Variants in CDC42BPB observed in about 807,000 individuals in gnomAD.
CDC42BPB encodes the protein CDC42 binding protein kinase beta, also known as serine/threonine-protein kinase MRCK beta.
Under a neutral mutation model 214.9 loss-of-function variants are expected in CDC42BPB, and 37 were observed. The ratio of observed to expected loss-of-function variants is 0.17; its 90% CI spans 0.13 to 0.23. The LOEUF (loss-of-function observed/expected upper bound fraction) is 0.23, where lower values mean the gene tolerates loss of function less well. CDC42BPB is among the 10% of genes least tolerant of loss of function. The pLI is 1.00. For synonymous variants in CDC42BPB, 931 were observed against 884.0 expected (o/e 1.05, Z -0.94); for missense variants, 1,694 against 2,227.0 (o/e 0.76, Z 4.82).
rs185515426 is a variant in CDC42BPB, at chr14:103,010,813, C to T, written c.267+1284G>A. Among the ~76,000 whole-genome samples, 927 of 152,204 alleles carry T rather than the reference C, an allele frequency of 6.1e-3. 13 individuals are homozygous for T. The highest frequency in any genetic ancestry group is 0.021 in the African/African-American group (879 of 41,538). The stretch of plus-strand genomic sequence containing the variant: ...TTGGGAGGCTGAGATGGGCGGATCA[C>T]GAGGTCAGGAGATCAAGACCATCCT... On this transcript the variant is annotated intron_variant, in intron 2 of 36. Transcript: ENST00000361246.
At position 102,949,628 on chromosome 14, in the gene CDC42BPB, C is replaced by A. The variant is rs902098323; in HGVS notation, c.3449+137G>T. 1.4e-4 allele frequency: 154 copies of A among 1,127,260 alleles called. 1 individual carries two copies. In the East Asian group the frequency reaches 3.7e-3, roughly 27 times the overall value. 69.8% of individuals were successfully genotyped at this position (1,127,260 alleles called of 1,614,324 possible). A position where few individuals can be genotyped will look rare whatever the true frequency, so the allele number is the denominator to read the frequency against. ...CCTGAAGTCATGACTAAGCTGTACC[C>A]ATTTTTGCAACCATACAATAATGAA... is the stretch of plus-strand genomic sequence containing the variant. On this transcript the variant is annotated intron_variant, in intron 26 of 36. Coordinates refer to ENST00000361246, the MANE Select transcript of CDC42BPB (RefSeq NM_006035.4).
At chr14:103,045,035 AAAATAAATAAAT>A (rs36127793) in intron 1 of CDC42BPB, among the ~76,000 whole-genome samples, 169 of 146,186 alleles carry the variant, frequency 1.2e-3, no homozygotes, top group African/African-American at 3.5e-3. Context: ...CTCTGTCTCT[AAAATAAATAAAT>A]AAATAAATAA....
At chr14:103,029,714 C>T (rs1328625684) in intron 1 of CDC42BPB, among the ~76,000 whole-genome samples, 2 of 151,418 alleles carry the variant, frequency 1.3e-5, no homozygotes, top group Admixed American at 1.3e-4. Context: ...AAAAAATTAG[C>T]TGTGTGTGGT....
At chr14:102,972,382 T>G in intron 12 of CDC42BPB, 1 of 957,708 alleles carries the variant, frequency 1.0e-6, no homozygotes, top group Non-Finnish European at 1.2e-6. Flanking sequence ...TGAGACCAAC[T>G]GCACACCAAG....
chr14:102,972,336 A>G (rs912141786), intron 12 of CDC42BPB, 175 bp from the exon 13 acceptor site: 1 of 985,310 alleles, frequency 1.0e-6, no homozygotes, highest in African/African-American at 1.7e-5. Context: ...CGTGCCAGCC[A>G]CACAGGCAAT....
intron 4 of CDC42BPB, 33 bp from the exon 5 acceptor site, chr14:102,999,746 C>A: frequency 6.2e-7 from 1 of 1,613,040 alleles, no homozygotes; most frequent in Non-Finnish European, 8.5e-7. Context: ...GAGAGAATAC[C>A]ACATTTAGTC....
chr14:102,956,308 G>A, intron 21 of CDC42BPB: 1 of 241,620 alleles, frequency 4.1e-6, no homozygotes. Flanking sequence ...GTAACAGACA[G>A]GAGGAACAAA....
At chr14:103,029,923 G>A (rs1313265798) in intron 1 of CDC42BPB, among the ~76,000 whole-genome samples, 1 of 149,796 alleles carries the variant, frequency 6.7e-6, no homozygotes, top group Non-Finnish European at 1.5e-5. Context: ...AGACACGCAT[G>A]TGAGCGGGAA....
At chr14:102,956,539 G>A in intron 21 of CDC42BPB, 1 of 390,322 alleles carries the variant, frequency 2.6e-6, no homozygotes, top group Non-Finnish European at 3.5e-6. Context: ...AAATCACAGA[G>A]GGATTAGCGG....
In CDC42BPB at chr14:102,963,200, G is replaced by A. The variant is rs919113906; in HGVS notation, c.2727-45C>T. The A allele has an allele frequency of 4.3e-5, 67 of 1,560,396 alleles. No individual in the cohort carries two copies. In the Middle Eastern group the frequency reaches 7.1e-4, roughly 17 times the overall value. ...GCTTTAAGTGCACTGAGAAGAGGTT[G>A]TCTGTGAGCTGGTATGGGGCAGGTC... On this transcript the variant is annotated intron_variant, in intron 19 of 36. Transcript: ENST00000361246.
At chr14:103,023,963 G>T (rs776861000) in intron 1 of CDC42BPB, among the ~76,000 whole-genome samples, 1 of 152,084 alleles carries the variant, frequency 6.6e-6, no homozygotes, top group Non-Finnish European at 1.5e-5. Context: ...CAGCACTGAT[G>T]GGGGCGGTGC....
chr14:102,975,091 A>T (rs899952320), intron 11 of CDC42BPB, among the ~76,000 whole-genome samples: 8 of 152,268 alleles, frequency 5.3e-5, no homozygotes, highest in Admixed American at 5.2e-4. Context: ...AAGCTTTAGG[A>T]GGAAAGCAGC....
At chr14:102,953,024 C>T (rs891786487) in intron 23 of CDC42BPB, among the ~76,000 whole-genome samples, 1 of 152,218 alleles carries the variant, frequency 6.6e-6, no homozygotes, top group African/African-American at 2.4e-5. Flanking sequence ...CAAGAATCAC[C>T]GACAGGAGGA....
intron 30 of CDC42BPB, among the ~76,000 whole-genome samples, chr14:102,942,009 G>A (rs998518242): frequency 6.6e-6 from 1 of 152,232 alleles, no homozygotes; most frequent in Non-Finnish European, 1.5e-5. Flanking sequence ...CGCCAGACAC[G>A]TGTGGCCAAG....
intron 12 of CDC42BPB, chr14:102,972,457 TG>T (rs1474871058): frequency 3.2e-6 from 1 of 315,636 alleles, no homozygotes; most frequent in African/African-American, 2.3e-5. Flanking sequence ...GAGGCCAAGG[TG>T]GGCGGGTCAC....
At chr14:103,008,034 G>A (rs1457104905) in intron 3 of CDC42BPB, among the ~76,000 whole-genome samples, 1 of 151,514 alleles carries the variant, frequency 6.6e-6, no homozygotes, top group Admixed American at 6.5e-5. Flanking sequence ...TAAGAAAAAG[G>A]AGCTGATCAA....
chr14:103,016,504 G>A (rs1886471364), intron 1 of CDC42BPB, among the ~76,000 whole-genome samples: 1 of 150,744 alleles, frequency 6.6e-6, no homozygotes, highest in African/African-American at 2.5e-5. Context: ...GGTGAGGGGA[G>A]GGAACCAGGT....
At chr14:102,934,596 A>G (rs1011407606) in intron 36 of CDC42BPB, among the ~76,000 whole-genome samples, 1 of 152,186 alleles carries the variant, frequency 6.6e-6, no homozygotes, top group Non-Finnish European at 1.5e-5. Context: ...CCTGCAACCA[A>G]GCAGTCAAAG....
Position 102,976,058 on chromosome 14 carries a change from C to G in CDC42BPB, c.1221-9G>C. 1 of 1,605,404 alleles carries G rather than the reference C, an allele frequency of 6.2e-7. No individual in the cohort carries two copies. Among genetic ancestry groups the G allele is most frequent in the Non-Finnish European group, 8.5e-7 (1 of 1,173,290 alleles). ...CTCGATCAGAAAAACAGCTGGGAAA[C>G]CAAGCAACAGGTTTTTTTGATCTAC... On this transcript the variant is annotated splice_polypyrimidine_tract_variant and intron_variant, in intron 9 of 36. Transcript: ENST00000361246.
Sources: gnomAD v4.1 joint callset for allele counts (sites outside exome capture counted in the v4.1 genomes callset) on GRCh38, gnomAD v4.1.1 for gene constraint, MANE v1.5 for transcripts, NCBI Gene and HGNC (gene_info 2026-07-23, HGNC 2026-07-21) for gene names.